The following NDST4 variants were observed in gnomAD, a reference collection of about 807,000 sequenced individuals.
NDST4 encodes the protein N-deacetylase and N-sulfotransferase 4, also known as N-heparan sulfate sulfotransferase 4.
NDST4 carries 63 observed loss-of-function variants against 100.8 expected under a neutral mutation model. That is an observed-to-expected ratio of 0.62 (90% CI 0.51 to 0.77). The LOEUF (loss-of-function observed/expected upper bound fraction) is 0.77. Among genes scored for constraint, NDST4 ranks in the 30% least tolerant of loss-of-function variants. NDST4 has a pLI of 0.00. For synonymous variants in NDST4, 377 were observed against 361.8 expected, an observed-to-expected ratio of 1.04 and a Z score of -0.48; for missense variants, 943 against 1,018.4, an observed-to-expected ratio of 0.93 and a Z score of 1.01.
At chr4:115,046,749 A>G (rs1054532329) in intron 2 of NDST4, among the ~76,000 whole-genome samples, 3 of 152,122 alleles carry the variant, frequency 2.0e-5, no homozygotes, top group African/African-American at 7.2e-5. Context: ...TTATTCAGGA[A>G]TTTGAAGAAT....
At chr4:114,993,514 A>G (rs921490383) in intron 2 of NDST4, among the ~76,000 whole-genome samples, 1 of 152,000 alleles carries the variant, frequency 6.6e-6, no homozygotes, top group Non-Finnish European at 1.5e-5. Flanking sequence ...ACACTTCCCA[A>G]TTGGACATAT....
rs1726651200 is a variant in NDST4, at chr4:114,977,055, T to TG, written c.1066+131dup. On this transcript the variant is annotated intron_variant, in intron 3 of 13. Transcript: ENST00000264363. Reference sequence around the variant, plus strand: ...TAAATATGCTCATTGATTTTGGATTTGGCTACTCAAATAATGTGCCCAAGT... The same window carrying TG: ...TAAATATGCTCATTGATTTTGGATTTGGGCTACTCAAATAATGTGCCCAAGT... 3 of 624,648 alleles carry TG rather than the reference T, an allele frequency of 4.8e-6. No individual in the cohort carries two copies. In the African/African-American group the frequency reaches 5.6e-5, roughly 12 times the overall value. The allele number at this position is 624,648 out of a possible 1,614,324, so 38.7% of individuals were successfully genotyped here.
chr4:115,022,012 C>T (rs114558514), intron 2 of NDST4, among the ~76,000 whole-genome samples: 9,158 of 139,064 alleles, frequency 0.066, 352 homozygotes, highest in Middle Eastern at 0.1. Context: ...ATATATGTTC[C>T]ATATCTCTAT....
At chr4:114,839,180 A>G (rs1476250227) in intron 11 of NDST4, among the ~76,000 whole-genome samples, 198 bp downstream of exon 11, 2 of 152,192 alleles carry the variant, frequency 1.3e-5, no homozygotes, top group Non-Finnish European at 2.9e-5. Flanking sequence ...AAAATGTAAA[A>G]TGCACATTTC....
intron 4 of NDST4, among the ~76,000 whole-genome samples, chr4:114,938,076 A>C (rs760066874): frequency 5.3e-5 from 8 of 152,226 alleles, no homozygotes; most frequent in Non-Finnish European, 7.3e-5. Context: ...ACAGCATGTT[A>C]AGATAAACTG....
intron 6 of NDST4, among the ~76,000 whole-genome samples, chr4:114,877,096 G>A (rs912013615): frequency 5.9e-5 from 9 of 151,544 alleles, no homozygotes; most frequent in Non-Finnish European, 1.0e-4. Context: ...ACGCGTGCAC[G>A]CGCGCAAGCC....
rs1449755884 is a variant in NDST4, at chr4:115,077,831, C to T, written c.-246-549G>A. Among the ~76,000 whole-genome samples, 8 of 152,162 alleles carry T rather than the reference C, an allele frequency of 5.3e-5. No homozygotes were observed. In the East Asian group the frequency reaches 1.5e-3, roughly 29 times the overall value. ...TGGACTCACAGGGAGCCACTTGGCC[C>T]TCTTCAGCATTACAGCCCAGATACA... On this transcript the variant is annotated intron_variant, in intron 1 of 13. Coordinates refer to ENST00000264363, the MANE Select transcript of NDST4 (RefSeq NM_022569.3).
intron 2 of NDST4, among the ~76,000 whole-genome samples, chr4:115,030,681 T>C (rs1352062824): frequency 6.6e-6 from 1 of 152,096 alleles, no homozygotes; most frequent in African/African-American, 2.4e-5. Context: ...AAGTGTGTAA[T>C]CACAATAAAA....
intron 2 of NDST4, among the ~76,000 whole-genome samples, chr4:115,021,668 A>T (rs1051340544): frequency 6.9e-6 from 1 of 144,844 alleles, no homozygotes; most frequent in Non-Finnish European, 1.6e-5. Context: ...CACGTTCCAC[A>T]TATACACATT....
chr4:114,980,476 T>G (rs1191546922), intron 2 of NDST4, among the ~76,000 whole-genome samples: 4 of 152,022 alleles, frequency 2.6e-5, no homozygotes, highest in Non-Finnish European at 5.9e-5. Flanking sequence ...ACCCCTTCTC[T>G]ACTAATAATA....
chr4:115,039,769 G>T (rs9884962), intron 2 of NDST4, among the ~76,000 whole-genome samples: 2 of 151,738 alleles, frequency 1.3e-5, no homozygotes, highest in African/African-American at 4.8e-5. Context: ...AAGAAAAGAG[G>T]GGTGTGTAAA....
chr4:115,075,801 A>AAAAAG (rs1729166570), intron 2 of NDST4, among the ~76,000 whole-genome samples: 1 of 151,398 alleles, frequency 6.6e-6, no homozygotes, highest in Non-Finnish European at 1.5e-5. Context: ...AAAAAAAAAA[A>AAAAAG]AAGGCAAAGA....
chr4:115,076,510 T>TTAA lies in NDST4; in HGVS notation c.526_527insTTA (p.Gln176delinsLeuLys). The TTAA allele has an allele frequency of 6.2e-7, 1 of 1,613,980 alleles. No individual in the cohort carries two copies. The highest frequency in any genetic ancestry group is 8.5e-7 in the Non-Finnish European group (1 of 1,179,952). On this transcript the variant is annotated protein_altering_variant, in exon 2 of 14. Coordinates refer to ENST00000264363, the MANE Select transcript of NDST4 (RefSeq NM_022569.3). ...AAGGTTTAACGGAAAGCCTTTTAAT[T>TTAA]GTGTACTTGGTAAGCTGTTCTCATT... is the stretch of plus-strand genomic sequence containing the variant.
At chr4:114,937,552 C>A in intron 4 of NDST4, 49 bp from the exon 5 acceptor site, 1 of 1,409,174 alleles carries the variant, frequency 7.1e-7, no homozygotes, top group Non-Finnish European at 9.6e-7. Flanking sequence ...CCAATTAATT[C>A]AGTGAAAATC....
At chr4:115,007,256 C>T (rs141533674) in intron 2 of NDST4, among the ~76,000 whole-genome samples, 1 of 152,244 alleles carries the variant, frequency 6.6e-6, no homozygotes, top group Non-Finnish European at 1.5e-5. Flanking sequence ...AAACATGCAG[C>T]TGTAGTATGG....
chr4:114,842,378 T>A (rs1723443555), intron 10 of NDST4, among the ~76,000 whole-genome samples: 1 of 152,064 alleles, frequency 6.6e-6, no homozygotes. Flanking sequence ...AGTGTCTACA[T>A]TCATCCCCTC....
At chr4:114,834,852 C>T (rs1723277387) in intron 11 of NDST4, among the ~76,000 whole-genome samples, 1 of 152,112 alleles carries the variant, frequency 6.6e-6, no homozygotes, top group South Asian at 2.1e-4. Context: ...GTGTATGTGT[C>T]CAGTAATTTA....
At chr4:114,968,837 G>A (rs1273968978) in intron 4 of NDST4, among the ~76,000 whole-genome samples, 7 of 152,064 alleles carry the variant, frequency 4.6e-5, no homozygotes, top group Non-Finnish European at 8.8e-5. Context: ...CCAGCCCCTC[G>A]TCTAGAGCAA....
In NDST4 at chr4:115,076,454, C is replaced by T. The variant is rs372992684; in HGVS notation, c.583G>A (p.Val195Ile). 4 of 1,613,790 alleles carry T rather than the reference C, an allele frequency of 2.5e-6. No individual in the cohort carries two copies. Among genetic ancestry groups the T allele is most frequent in the Non-Finnish European group, 3.4e-6 (4 of 1,179,950 alleles). Residue 195 changes from valine (V) to isoleucine (I), a missense_variant, in exon 2 of 14, where the codon GTT becomes ATT. Transcript: ENST00000264363. Reference sequence around the variant, plus strand: ...TGCAGCAAAGGAGATTGAGGGTTAACAAAACAGTCCTTTAGAGCTAGATTA... The same window carrying T: ...TGCAGCAAAGGAGATTGAGGGTTAATAAAACAGTCCTTTAGAGCTAGATTA... ...FNNLALKDCF[V>I]NPQSPLLHIT...
Sources: allele counts gnomAD v4.1 joint callset (sites outside exome capture counted in the v4.1 genomes callset), GRCh38; gene constraint gnomAD v4.1.1; transcripts MANE v1.5; gene names NCBI Gene and HGNC (gene_info 2026-07-23, HGNC 2026-07-21).